The following TTLL11 variants were observed in gnomAD, a reference collection of about 807,000 sequenced individuals.
TTLL11 encodes tubulin tyrosine ligase like 11.
Under a neutral mutation model 51.7 loss-of-function variants are expected in TTLL11, and 42 were observed. The observed-to-expected ratio is 0.81, with a 90% CI of 0.64 to 1.05. The LOEUF is 1.05. TTLL11 is among the 50% of genes least tolerant of loss of function. The probability of loss-of-function intolerance (pLI) is 0.00; values close to 1 mark genes in which losing one functional copy is unlikely to be tolerated. For synonymous variants in TTLL11, 381 were observed against 383.5 expected, an observed-to-expected ratio of 0.99 and a Z score of 0.08; for missense variants, 799 against 940.4, an observed-to-expected ratio of 0.85 and a Z score of 1.97.
At chr9:121,966,682 G>A (rs1263433341) in intron 6 of TTLL11, among the ~76,000 whole-genome samples, 1 of 152,172 alleles carries the variant, frequency 6.6e-6, no homozygotes, top group African/African-American at 2.4e-5. Flanking sequence ...AATGTGAAAT[G>A]GAAACTGGAG....
chr9:122,057,377 C>A (rs1845317808), intron 1 of TTLL11, among the ~76,000 whole-genome samples: 1 of 146,752 alleles, frequency 6.8e-6, no homozygotes, highest in African/African-American at 2.5e-5. Flanking sequence ...TGCTGGAGTG[C>A]ACTGGAACAA....
At chr9:122,083,220 C>A (rs1846043009) in intron 1 of TTLL11, among the ~76,000 whole-genome samples, 1 of 152,102 alleles carries the variant, frequency 6.6e-6, no homozygotes, top group African/African-American at 2.4e-5. Flanking sequence ...TAACCTGCTT[C>A]AGCGAATCAA....
intron 6 of TTLL11, among the ~76,000 whole-genome samples, chr9:121,959,130 C>T (rs1403686785): frequency 2.0e-5 from 3 of 152,124 alleles, no homozygotes; most frequent in Admixed American, 6.5e-5. Context: ...CAGGCAGGGC[C>T]GAGCTCTGTG....
chr9:121,827,498 C>A (rs1301347329), intron 8 of TTLL11, among the ~76,000 whole-genome samples: 2 of 152,164 alleles, frequency 1.3e-5, no homozygotes, highest in Non-Finnish European at 2.9e-5. Flanking sequence ...AACCACATCT[C>A]CCCCTCCAAA....
intron 6 of TTLL11, among the ~76,000 whole-genome samples, chr9:121,941,544 G>T (rs1045551296): frequency 1.3e-5 from 2 of 152,098 alleles, no homozygotes; most frequent in African/African-American, 2.4e-5. Context: ...TTGTTTCATT[G>T]TCAACCGCAT....
chr9:121,855,290 CT>C (rs1382321771), intron 8 of TTLL11, among the ~76,000 whole-genome samples: 1 of 152,216 alleles, frequency 6.6e-6, no homozygotes, highest in Non-Finnish European at 1.5e-5. Flanking sequence ...TTCTATGCAC[CT>C]GAGGTCTAAT....
At position 121,819,974 on chromosome 9, in the gene TTLL11, T is replaced by A. The variant is rs1836528247; in HGVS notation, c.*2613A>T. Among the ~76,000 whole-genome samples, 1 of 152,160 alleles carries A rather than the reference T, an allele frequency of 6.6e-6. No individual in the cohort carries two copies. On this transcript the variant is annotated 3_prime_UTR_variant, in exon 9 of 9. Transcript: ENST00000321582. ...CCAATCTGTCAGGACTGGCCTCTCA[T>A]AAAACCACAGCCTCATTTCCCTAAC...
chr9:122,037,009 A>G (rs1844721946), intron 2 of TTLL11, among the ~76,000 whole-genome samples: 1 of 152,230 alleles, frequency 6.6e-6, no homozygotes, highest in Non-Finnish European at 1.5e-5. Flanking sequence ...TTTGGAATGA[A>G]TATCATTCTA....
chr9:122,048,092 C>T (rs1357766686), intron 1 of TTLL11, among the ~76,000 whole-genome samples: 1 of 152,188 alleles, frequency 6.6e-6, no homozygotes, highest in East Asian at 1.9e-4. Flanking sequence ...CCCCCATCTC[C>T]CTTCCTCCAG....
chr9:121,823,460 T>C (rs6478530), intron 8 of TTLL11, among the ~76,000 whole-genome samples: 100,517 of 152,168 alleles, frequency 0.66, 33,814 homozygotes, highest in East Asian at 0.79. Context: ...GCAGGAGAAT[T>C]ATTTGAACCT....
chr9:121,893,274 C>T (rs959215271), intron 6 of TTLL11, among the ~76,000 whole-genome samples: 1 of 151,950 alleles, frequency 6.6e-6, no homozygotes, highest in Admixed American at 6.6e-5. Flanking sequence ...GTACCTACGA[C>T]CATTGTTAAC....
At chr9:122,056,987 G>C (rs1845304757) in intron 1 of TTLL11, among the ~76,000 whole-genome samples, 1 of 152,188 alleles carries the variant, frequency 6.6e-6, no homozygotes. Flanking sequence ...GCTTCACAGA[G>C]GAATCATAGA....
At position 122,060,523 on chromosome 9, in the gene TTLL11, C is replaced by T. The variant is rs150347360; in HGVS notation, c.463-21155G>A. Reference sequence around the variant, plus strand: ...CCTTCCAGTTCCAACATCTGAGCTCCTTCCTCTAGCCCGTGCTGCCATATA... The same window carrying T: ...CCTTCCAGTTCCAACATCTGAGCTCTTTCCTCTAGCCCGTGCTGCCATATA... On this transcript the variant is annotated intron_variant, in intron 1 of 8. Coordinates refer to ENST00000321582, the MANE Select transcript of TTLL11 (RefSeq NM_001139442.2). Among the ~76,000 whole-genome samples, 990 of 152,298 alleles carry T rather than the reference C, an allele frequency of 6.5e-3. 6 individuals carry two copies. Among genetic ancestry groups the T allele is most frequent in the Admixed American group, 0.013 (199 of 15,294 alleles).
At chr9:121,986,181 C>A (rs1173969799) in intron 4 of TTLL11, among the ~76,000 whole-genome samples, 2 of 152,198 alleles carry the variant, frequency 1.3e-5, no homozygotes, top group Non-Finnish European at 1.5e-5. Flanking sequence ...ACCAGTGGCT[C>A]CCTCCCTGTC....
At chr9:121,839,414 T>A (rs1008889862) in intron 8 of TTLL11, among the ~76,000 whole-genome samples, 1 of 152,172 alleles carries the variant, frequency 6.6e-6, no homozygotes, top group Non-Finnish European at 1.5e-5. Context: ...CTCTTACACA[T>A]TGCGGGGTGA....
At chr9:121,863,669 C>A (rs959491851) in intron 7 of TTLL11, among the ~76,000 whole-genome samples, 1 of 152,182 alleles carries the variant, frequency 6.6e-6, no homozygotes, top group Non-Finnish European at 1.5e-5. Context: ...AATGCAAATG[C>A]CTTAAAAGAA....
chr9:122,008,198 C>A (rs1843705503), intron 3 of TTLL11, among the ~76,000 whole-genome samples: 1 of 152,146 alleles, frequency 6.6e-6, no homozygotes, highest in Non-Finnish European at 1.5e-5. Context: ...ACACAACAAC[C>A]AAATGTGATG....
intron 8 of TTLL11, among the ~76,000 whole-genome samples, chr9:121,833,713 A>T (rs1218968091): frequency 6.6e-6 from 1 of 152,144 alleles, no homozygotes; most frequent in Non-Finnish European, 1.5e-5. Flanking sequence ...TTTTTTCTAC[A>T]TTACGCTTTC....
chr9:121,997,196 C>T (rs1365373153), intron 3 of TTLL11, among the ~76,000 whole-genome samples: 1 of 151,756 alleles, frequency 6.6e-6, no homozygotes, highest in Non-Finnish European at 1.5e-5. Context: ...ACAAAAAAGC[C>T]TCTCTAGAAC....
Sources: allele counts gnomAD v4.1 joint callset (sites outside exome capture counted in the v4.1 genomes callset), GRCh38; gene constraint gnomAD v4.1.1; transcripts MANE v1.5; gene names NCBI Gene and HGNC (gene_info 2026-07-23, HGNC 2026-07-21).